Variants in NDUFS4 observed in about 807,000 individuals in gnomAD.
The protein encoded by NDUFS4 is NADH:ubiquinone oxidoreductase subunit S4.
Under a neutral mutation model 24.3 loss-of-function variants are expected in NDUFS4, and 28 were observed. That is an observed-to-expected ratio of 1.15 (90% CI 0.85 to 1.58). NDUFS4 has a LOEUF of 1.58. NDUFS4 is among the 40% of genes most tolerant of loss of function. NDUFS4 has a pLI of 0.00. For missense variants in NDUFS4, 223 were observed against 207.9 expected (o/e 1.07, Z -0.45); for synonymous variants, 93 against 69.7 (o/e 1.34, Z -1.67).
intron 1 of NDUFS4, among the ~76,000 whole-genome samples, chr5:53,561,721 ATT>A (rs1469991123): frequency 6.6e-6 from 1 of 152,174 alleles, no homozygotes; most frequent in Non-Finnish European, 1.5e-5. Flanking sequence ...ATGCTAATTG[ATT>A]TAGTGTTAAA....
At chr5:53,575,391 G>A (rs1043565618) in intron 1 of NDUFS4, among the ~76,000 whole-genome samples, 1 of 151,968 alleles carries the variant, frequency 6.6e-6, no homozygotes, top group African/African-American at 2.4e-5. Context: ...CAGTGTGCTT[G>A]CTACATCTTA....
At chr5:53,619,858 C>T (rs1561367126) in intron 2 of NDUFS4, among the ~76,000 whole-genome samples, 1 of 151,930 alleles carries the variant, frequency 6.6e-6, no homozygotes, top group Non-Finnish European at 1.5e-5. Flanking sequence ...TACCATAATA[C>T]CTTAGCCATC....
chr5:53,595,712 A>T (rs1272616147), intron 1 of NDUFS4, among the ~76,000 whole-genome samples: 1 of 152,154 alleles, frequency 6.6e-6, no homozygotes, highest in Non-Finnish European at 1.5e-5. Context: ...AGAGTCTGTT[A>T]CGTGAACATA....
chr5:53,572,194 G>A (rs1410605166), intron 1 of NDUFS4, among the ~76,000 whole-genome samples: 3 of 152,164 alleles, frequency 2.0e-5, no homozygotes, highest in Non-Finnish European at 4.4e-5. Context: ...AAACAGCAAA[G>A]CCAGTTTGTT....
intron 4 of NDUFS4, among the ~76,000 whole-genome samples, chr5:53,659,584 C>T (rs558893165): frequency 2.0e-4 from 30 of 152,124 alleles, no homozygotes; most frequent in Non-Finnish European, 4.3e-4. Context: ...GTTTGTCTTC[C>T]TTAGATTCAA....
chr5:53,654,109 T>G (rs1363446294), intron 3 of NDUFS4, among the ~76,000 whole-genome samples: 1 of 152,146 alleles, frequency 6.6e-6, no homozygotes, highest in African/African-American at 2.4e-5. Context: ...TATTCCCTTT[T>G]TCTTCTTTAG....
At chr5:53,675,207 G>C (rs1740423397) in intron 4 of NDUFS4, among the ~76,000 whole-genome samples, 1 of 140,246 alleles carries the variant, frequency 7.1e-6, no homozygotes, top group African/African-American at 2.7e-5. Flanking sequence ...TGTCACCCAG[G>C]CTGAAGTGCA....
intron 2 of NDUFS4, among the ~76,000 whole-genome samples, chr5:53,607,089 G>C (rs1223680064): frequency 6.6e-6 from 1 of 152,128 alleles, no homozygotes; most frequent in Non-Finnish European, 1.5e-5. Context: ...AGATATGGAG[G>C]CCTGACTGTA....
At chr5:53,664,263 A>C (rs1356163138) in intron 4 of NDUFS4, among the ~76,000 whole-genome samples, 3 of 152,002 alleles carry the variant, frequency 2.0e-5, no homozygotes, top group Non-Finnish European at 4.4e-5. Flanking sequence ...TGCCGTTAAC[A>C]TCTTTTCCTT....
At chr5:53,670,568 C>G (rs914251243) in intron 4 of NDUFS4, among the ~76,000 whole-genome samples, 1 of 151,388 alleles carries the variant, frequency 6.6e-6, no homozygotes, top group Non-Finnish European at 1.5e-5. Context: ...ATGTATGGCT[C>G]ACATATTTCT....
chr5:53,621,802 C>T (rs893931417), intron 2 of NDUFS4, among the ~76,000 whole-genome samples: 10 of 148,926 alleles, frequency 6.7e-5, no homozygotes, highest in Non-Finnish European at 1.3e-4. Context: ...CCCGGGTTCA[C>T]GCCATTCTCC....
chr5:53,625,962 G>A (rs1451847639), intron 2 of NDUFS4, among the ~76,000 whole-genome samples: 3 of 152,094 alleles, frequency 2.0e-5, no homozygotes, highest in Non-Finnish European at 4.4e-5. Context: ...AGGTATACAT[G>A]TGCCATGCTG....
chr5:53,632,181 A>G (rs947782646), intron 2 of NDUFS4, among the ~76,000 whole-genome samples: 1 of 152,150 alleles, frequency 6.6e-6, no homozygotes, highest in Non-Finnish European at 1.5e-5. Context: ...AATACAGTTA[A>G]TGATTTTTAA....
chr5:53,618,295 C>T (rs182168990), intron 2 of NDUFS4, among the ~76,000 whole-genome samples: 4 of 151,544 alleles, frequency 2.6e-5, no homozygotes, highest in Non-Finnish European at 4.4e-5. Context: ...AAATAAATAA[C>T]GCATTATGTT....
At chr5:53,649,394 T>C (rs761419412) in intron 3 of NDUFS4, among the ~76,000 whole-genome samples, 2 of 152,278 alleles carry the variant, frequency 1.3e-5, no homozygotes, top group Non-Finnish European at 2.9e-5. Flanking sequence ...CAGTGTTTAT[T>C]GTTTCCATCT....
chr5:53,648,582 T>C (rs1489381347), intron 3 of NDUFS4, among the ~76,000 whole-genome samples: 1 of 152,214 alleles, frequency 6.6e-6, no homozygotes, highest in African/African-American at 2.4e-5. Context: ...TGCCTGCATC[T>C]GTAAGAATGG....
At chr5:53,566,036 G>A (rs945553085) in intron 1 of NDUFS4, among the ~76,000 whole-genome samples, 4 of 152,194 alleles carry the variant, frequency 2.6e-5, no homozygotes, top group African/African-American at 7.2e-5. Flanking sequence ...AGCCGGGTGC[G>A]GTGGCGGGTG....
intron 3 of NDUFS4, among the ~76,000 whole-genome samples, chr5:53,653,262 A>T (rs1359696873): frequency 6.6e-6 from 1 of 152,168 alleles, no homozygotes; most frequent in Non-Finnish European, 1.5e-5. Context: ...TTAAGCAGAC[A>T]TGTGCACAAA....
At chr5:53,649,462 T>C (rs866716298) in intron 3 of NDUFS4, among the ~76,000 whole-genome samples, 1 of 152,218 alleles carries the variant, frequency 6.6e-6, no homozygotes, top group South Asian at 2.1e-4. Context: ...CAGTCTTTGA[T>C]TTTCTGTTTC....
Sources: allele counts gnomAD v4.1 joint callset (sites outside exome capture counted in the v4.1 genomes callset), GRCh38; gene constraint gnomAD v4.1.1; transcripts MANE v1.5; gene names NCBI Gene and HGNC (gene_info 2026-07-23, HGNC 2026-07-21).